Variants in KCNH5 observed in about 807,000 individuals in gnomAD.
KCNH5 encodes the protein voltage-gated delayed rectifier potassium channel KCNH5.
Under a neutral mutation model 96.1 loss-of-function variants are expected in KCNH5, and 46 were observed. The observed-to-expected ratio is 0.48, with a 90% confidence interval of 0.38 to 0.61. The LOEUF (loss-of-function observed/expected upper bound fraction) is 0.61, where lower values mean the gene tolerates loss of function less well. KCNH5 is among the 20% of genes least tolerant of loss of function. KCNH5 has a pLI of 0.00. For missense variants in KCNH5, 907 were observed against 1,225.8 expected, an observed-to-expected ratio of 0.74 and a Z score of 3.88; for synonymous variants, 439 against 449.8, an observed-to-expected ratio of 0.98 and a Z score of 0.30.
intron 6 of KCNH5, among the ~76,000 whole-genome samples, chr14:62,979,452 T>C (rs1890565458): frequency 6.6e-6 from 1 of 152,046 alleles, no homozygotes; most frequent in Non-Finnish European, 1.5e-5. Flanking sequence ...TATATTATTA[T>C]AGTTGGTTGA....
chr14:62,818,157 C>T (rs1197823000), intron 8 of KCNH5, among the ~76,000 whole-genome samples: 1 of 146,282 alleles, frequency 6.8e-6, no homozygotes, highest in Non-Finnish European at 1.5e-5. Context: ...AAGATACACA[C>T]TTGCAGTTAT....
intron 3 of KCNH5, among the ~76,000 whole-genome samples, chr14:63,002,124 G>A (rs1028747578): frequency 6.6e-6 from 1 of 152,058 alleles, no homozygotes; most frequent in African/African-American, 2.4e-5. Flanking sequence ...CGTGTCCCCA[G>A]CTTTTGAGAT....
At chr14:62,974,914 A>C (rs1286410212) in intron 6 of KCNH5, among the ~76,000 whole-genome samples, 8 of 152,248 alleles carry the variant, frequency 5.3e-5, no homozygotes, top group Non-Finnish European at 7.3e-5. Context: ...AGGATTTATA[A>C]TCCAGCTGAG....
At chr14:62,765,501 A>C (rs1241850769) in intron 10 of KCNH5, among the ~76,000 whole-genome samples, 1 of 152,206 alleles carries the variant, frequency 6.6e-6, no homozygotes, top group Admixed American at 6.5e-5. Context: ...CAATTGCAAT[A>C]AAAACAAAAA....
At chr14:62,814,302 C>A (rs1031379408) in intron 8 of KCNH5, among the ~76,000 whole-genome samples, 40 of 152,126 alleles carry the variant, frequency 2.6e-4, no homozygotes, top group African/African-American at 9.4e-4. Flanking sequence ...ATGTCTTGGG[C>A]CACTGGCTTT....
At chr14:62,775,382 A>G (rs1886074479) in intron 10 of KCNH5, among the ~76,000 whole-genome samples, 1 of 152,200 alleles carries the variant, frequency 6.6e-6, no homozygotes, top group Admixed American at 6.5e-5. Context: ...CAGAATTTTA[A>G]AAACAAATCA....
At chr14:63,004,069 C>T (rs773830369) in intron 3 of KCNH5, among the ~76,000 whole-genome samples, 4 of 152,128 alleles carry the variant, frequency 2.6e-5, no homozygotes, top group Non-Finnish European at 5.9e-5. Context: ...GCAATTCCCC[C>T]ATTTGCAAAA....
intron 7 of KCNH5, among the ~76,000 whole-genome samples, chr14:62,910,712 C>G (rs1266627513): frequency 1.3e-5 from 2 of 152,146 alleles, no homozygotes; most frequent in Admixed American, 6.5e-5. Context: ...CGACTCTAAC[C>G]ATGCTGGGCT....
chr14:62,992,520 T>C (rs577738898), intron 4 of KCNH5, among the ~76,000 whole-genome samples: 34 of 152,042 alleles, frequency 2.2e-4, no homozygotes, highest in Non-Finnish European at 4.7e-4. Flanking sequence ...GCCATTCTGA[T>C]TGTTGTGAGA....
intron 7 of KCNH5, among the ~76,000 whole-genome samples, chr14:62,908,782 A>ATGTTTTTTTTGTTTTTTT: frequency 4.2e-5 from 1 of 23,712 alleles, no homozygotes. Flanking sequence ...TTTGCTTTGT[A>ATGTTTTTTTTGTTTTTTT]TTTTTTTTTT....
chr14:62,736,694 C>T lies in KCNH5; in HGVS notation c.2020-28239G>A, dbSNP rs73271142. Among the ~76,000 whole-genome samples, 621 of 152,294 alleles carry T rather than the reference C, an allele frequency of 4.1e-3. 4 individuals are homozygous for T. The highest frequency in any genetic ancestry group is 0.014 in the African/African-American group (594 of 41,566). ...AACATTCCAAGCTTCTGTTAAGCCC[C>T]CTCACCCTAAAACCAATATATACTC... On this transcript the variant is annotated intron_variant, in intron 10 of 10. Coordinates refer to ENST00000322893, the MANE Select transcript of KCNH5 (RefSeq NM_139318.5).
rs529387442 is a variant in KCNH5 at position 62,701,654 on chromosome 14, T to A, written c.*5854A>T. The A allele has an allele frequency of 6.6e-6, 1 of 152,242 alleles. No homozygotes were observed. The highest frequency in any genetic ancestry group is 1.9e-4 in the East Asian group (1 of 5,188). 9.4% of individuals were successfully genotyped at this position (152,242 alleles called of 1,614,324 possible). The stretch of plus-strand genomic sequence containing the variant: ...AGTTATTAGCCAAGTGAAAACAAGA[T>A]GGTTTGGGCTGAAGATTCCAGCATG... On this transcript the variant is annotated 3_prime_UTR_variant, in exon 11 of 11. Transcript: ENST00000322893.
At chr14:62,776,507 T>C (rs1472205439) in intron 10 of KCNH5, among the ~76,000 whole-genome samples, 1 of 152,188 alleles carries the variant, frequency 6.6e-6, no homozygotes, top group Non-Finnish European at 1.5e-5. Context: ...AATAAATTCC[T>C]GCTGCTTAAG....
chr14:62,841,091 C>T (rs914948758), intron 8 of KCNH5, among the ~76,000 whole-genome samples: 2 of 151,478 alleles, frequency 1.3e-5, no homozygotes. Flanking sequence ...ATCTTTTAGT[C>T]ATTACCATTA....
chr14:63,015,061 A>G (rs1304715883), intron 2 of KCNH5, among the ~76,000 whole-genome samples: 2 of 152,084 alleles, frequency 1.3e-5, no homozygotes, highest in African/African-American at 4.8e-5. Context: ...CATCACTCCC[A>G]TTTACCAATT....
chr14:62,974,610 G>C (rs1890467602), intron 6 of KCNH5, among the ~76,000 whole-genome samples: 1 of 152,148 alleles, frequency 6.6e-6, no homozygotes, highest in South Asian at 2.1e-4. Flanking sequence ...TACCTTCAGA[G>C]AGCGTGTCGA....
intron 7 of KCNH5, among the ~76,000 whole-genome samples, chr14:62,917,508 C>T (rs1385287639): frequency 6.6e-6 from 1 of 152,062 alleles, no homozygotes; most frequent in African/African-American, 2.4e-5. Context: ...TGAAAGTGTC[C>T]TGTGAATGAG....
intron 6 of KCNH5, among the ~76,000 whole-genome samples, chr14:62,968,864 C>T (rs148442398): frequency 6.6e-6 from 1 of 152,254 alleles, no homozygotes; most frequent in African/African-American, 2.4e-5. Context: ...AAGATCTTTG[C>T]TGGATTTGAA....
intron 7 of KCNH5, among the ~76,000 whole-genome samples, chr14:62,945,603 G>A (rs1415384042): frequency 6.6e-5 from 10 of 152,112 alleles, no homozygotes; most frequent in Admixed American, 5.2e-4. Context: ...CCAAGTACAC[G>A]TGGGTTCGGA....
Sources: allele counts gnomAD v4.1 joint callset (sites outside exome capture counted in the v4.1 genomes callset), GRCh38; gene constraint gnomAD v4.1.1; transcripts MANE v1.5; gene names NCBI Gene and HGNC (gene_info 2026-07-23, HGNC 2026-07-21).